The following CNTNAP3B variants were observed in gnomAD, a reference collection of about 807,000 sequenced individuals.
CNTNAP3B encodes the protein contactin associated protein family member 3B.
Under a neutral mutation model 108.9 loss-of-function variants are expected in CNTNAP3B, and 25 were observed. That is an observed-to-expected ratio of 0.23 (90% CI 0.17 to 0.32). The LOEUF is 0.32. Ranked by LOEUF, CNTNAP3B falls within the 10% of genes least tolerant of loss-of-function variation. CNTNAP3B has a pLI of 1.00. For synonymous variants in CNTNAP3B, 103 were observed against 473.4 expected (o/e 0.22, Z 10.16); for missense variants, 252 against 1,210.4 (o/e 0.21, Z 11.75).
rs1823523341 is a variant in CNTNAP3B at position 41,916,590 on chromosome 9, C to T, written c.2995+3480G>A. ...TTATAATTTTTAGTTTTTATGAATA[C>T]CTAATAGTTGTATGTATTTATGGGG... On this transcript the variant is annotated intron_variant, in intron 18 of 23. Transcript: ENST00000377561. 2.0e-5 allele frequency among the ~76,000 whole-genome samples: 3 copies of T among 147,676 alleles called. No individual in the cohort carries two copies. In the South Asian group the frequency reaches 6.4e-4, roughly 31 times the overall value.
intron 14 of CNTNAP3B, among the ~76,000 whole-genome samples, chr9:41,935,991 G>C (rs540802896): frequency 6.6e-6 from 1 of 152,238 alleles, no homozygotes; most frequent in Non-Finnish European, 1.5e-5. Flanking sequence ...CAAGTGATAC[G>C]TTCCTCTGGT....
chr9:41,934,268 G>C (rs1824084901), intron 14 of CNTNAP3B, among the ~76,000 whole-genome samples: 1 of 149,668 alleles, frequency 6.7e-6, no homozygotes, highest in Non-Finnish European at 1.5e-5. Flanking sequence ...GCCCAGGCTG[G>C]AGTGCAGTGG....
chr9:42,110,605 C>G (rs1198179131), intron 1 of CNTNAP3B, among the ~76,000 whole-genome samples: 1 of 137,286 alleles, frequency 7.3e-6, no homozygotes, highest in South Asian at 2.4e-4. Flanking sequence ...TTCACTAACT[C>G]CACAGCAGGC....
In CNTNAP3B at chr9:41,974,278, TTTCTTC is replaced by T. The variant is rs1009764744; in HGVS notation, c.1478-4039_1478-4034del. 4.6e-5 allele frequency: 4 copies of T among 86,144 alleles called. 1 individual carries two copies. Among genetic ancestry groups the T allele is most frequent in the Non-Finnish European group, 9.2e-5 (4 of 43,376 alleles). The allele number at this position is 86,144 out of a possible 1,614,324, so 5.3% of individuals were successfully genotyped here. A position where few individuals can be genotyped will look rare whatever the true frequency, so the allele number is the denominator to read the frequency against. On this transcript the variant is annotated intron_variant, in intron 9 of 23. Transcript: ENST00000377561. Reference sequence around the variant, plus strand: ...TCTGGCATCAGGAAATTGGTGGGTTTTTCTTCTTCTTCATTTTTTCATATTAACCTG... The same window carrying T: ...TCTGGCATCAGGAAATTGGTGGGTTTTTCTTCATTTTTTCATATTAACCTG...
At chr9:41,916,026 T>C (rs1250189156) in intron 18 of CNTNAP3B, among the ~76,000 whole-genome samples, 3 of 151,576 alleles carry the variant, frequency 2.0e-5, no homozygotes, top group Non-Finnish European at 4.4e-5. Context: ...GGAACTATTT[T>C]TATGCATACC....
chr9:41,920,725 T>A lies in CNTNAP3B; in HGVS notation c.2756-416A>T, dbSNP rs1205666535. On this transcript the variant is annotated intron_variant, in intron 17 of 23. Coordinates refer to ENST00000377561, the MANE Select transcript of CNTNAP3B (RefSeq NM_001201380.3). ...GAATAAGAATGTGCATTATAATGGT[T>A]AGGTATGAACTTCCAAATTTTTCAC... Among the ~76,000 whole-genome samples, 88 of 150,974 alleles carry A rather than the reference T, an allele frequency of 5.8e-4. No individual in the cohort carries two copies. In the South Asian group the frequency reaches 0.011, roughly 18 times the overall value.
intron 12 of CNTNAP3B, among the ~76,000 whole-genome samples, chr9:41,958,999 A>T (rs1010554859): frequency 7.1e-6 from 1 of 140,134 alleles, no homozygotes; most frequent in African/African-American, 2.8e-5. Flanking sequence ...ACAATTCGTC[A>T]ATTAAGTTTA....
intron 14 of CNTNAP3B, among the ~76,000 whole-genome samples, chr9:41,937,152 G>A (rs1477170288): frequency 9.3e-6 from 1 of 107,170 alleles, no homozygotes; most frequent in Non-Finnish European, 2.1e-5. Context: ...TTTTGAGGTG[G>A]AGTCTTGCTC....
chr9:41,915,826 G>A (rs1588036504), intron 18 of CNTNAP3B, among the ~76,000 whole-genome samples: 1 of 150,814 alleles, frequency 6.6e-6, no homozygotes, highest in Admixed American at 6.6e-5. Flanking sequence ...TGAAATCCTG[G>A]GATAAATCCT....
chr9:42,083,193 T>A (rs1827638153), intron 2 of CNTNAP3B, among the ~76,000 whole-genome samples: 1 of 102,264 alleles, frequency 9.8e-6, no homozygotes, highest in South Asian at 3.5e-4. Flanking sequence ...CGAAATGAAA[T>A]CTAGTAAAAC....
At chr9:42,032,993 C>T (rs2118487087) in intron 3 of CNTNAP3B, among the ~76,000 whole-genome samples, 2 of 145,862 alleles carry the variant, frequency 1.4e-5, no homozygotes, top group South Asian at 4.4e-4. Flanking sequence ...CAGATATAGT[C>T]ACATTCAGGG....
Position 42,105,830 on chromosome 9 carries a change from C to T in CNTNAP3B, c.86-1091G>A, listed in dbSNP as rs1396558642. Among the ~76,000 whole-genome samples the T allele has an allele frequency of 2.3e-5, 2 of 85,294 alleles. 1 individual carries two copies. Among genetic ancestry groups the T allele is most frequent in the Non-Finnish European group, 4.8e-5 (2 of 41,736 alleles). The allele number at this position is 85,294 out of a possible 152,430, so 56.0% of individuals were successfully genotyped here. A position where few individuals can be genotyped will look rare whatever the true frequency, so the allele number is the denominator to read the frequency against. The stretch of plus-strand genomic sequence containing the variant: ...TGTTACACATAAGTTTTCTGTCACA[C>T]ATTAAGATATGTCTGTGAAAGAGGA... On this transcript the variant is annotated intron_variant, in intron 1 of 23. Transcript: ENST00000377561.
chr9:41,928,562 A>C (rs959303998), intron 15 of CNTNAP3B, among the ~76,000 whole-genome samples: 6 of 152,274 alleles, frequency 3.9e-5, no homozygotes, highest in South Asian at 2.1e-4. Context: ...CATCTGGCAC[A>C]CTCGGCAAGA....
chr9:41,967,204 G>C (rs2645568), intron 10 of CNTNAP3B, among the ~76,000 whole-genome samples: 1 of 151,958 alleles, frequency 6.6e-6, no homozygotes, highest in African/African-American at 2.4e-5. Context: ...ATCTCATCTT[G>C]AATTGTAGTT....
At chr9:41,919,807 A>G (rs1823619589) in intron 18 of CNTNAP3B, among the ~76,000 whole-genome samples, 1 of 152,310 alleles carries the variant, frequency 6.6e-6, no homozygotes, top group African/African-American at 2.4e-5. Flanking sequence ...AAACCAAATT[A>G]TTTCGAGAGG....
At chr9:41,958,386 T>A (rs1824943292) in intron 12 of CNTNAP3B, among the ~76,000 whole-genome samples, 1 of 152,296 alleles carries the variant, frequency 6.6e-6, no homozygotes, top group Non-Finnish European at 1.5e-5. Flanking sequence ...TCTAAGGCTA[T>A]CTTCCCTCCT....
intron 14 of CNTNAP3B, among the ~76,000 whole-genome samples, chr9:41,937,599 C>CATTGCA (rs1356612288): frequency 2.6e-5 from 4 of 152,258 alleles, no homozygotes; most frequent in African/African-American, 9.6e-5. Flanking sequence ...GAAAAAGAGG[C>CATTGCA]ATTGCAATCT....
chr9:42,120,040 C>G, intron 1 of CNTNAP3B, among the ~76,000 whole-genome samples: 1 of 149,652 alleles, frequency 6.7e-6, no homozygotes, highest in East Asian at 2.0e-4. Flanking sequence ...GAACAGGCAA[C>G]CTACAGAATG....
intron 10 of CNTNAP3B, 95 bp from the exon 11 acceptor site, chr9:41,964,739 CG>C: frequency 1.3e-6 from 2 of 1,511,802 alleles, no homozygotes; most frequent in Non-Finnish European, 1.8e-6. Flanking sequence ...GGCCAGCATA[CG>C]CAAGATAACC....
Sources: gnomAD v4.1 joint callset for allele counts (sites outside exome capture counted in the v4.1 genomes callset) on GRCh38, gnomAD v4.1.1 for gene constraint, MANE v1.5 for transcripts, NCBI Gene and HGNC (gene_info 2026-07-23, HGNC 2026-07-21) for gene names.